Variants in SIL1 observed in about 807,000 individuals in gnomAD.
SIL1 encodes the protein SIL1 nucleotide exchange factor.
Under a neutral mutation model 49.1 loss-of-function variants are expected in SIL1, and 40 were observed. The observed-to-expected ratio is 0.81, with a 90% confidence interval of 0.63 to 1.06. The LOEUF is 1.06. SIL1 is among the 50% of genes least tolerant of loss of function. The pLI, the probability that SIL1 is intolerant of heterozygous loss-of-function variation, is 0.00. For missense variants in SIL1, 500 were observed against 572.6 expected, an observed-to-expected ratio of 0.87 and a Z score of 1.29; for synonymous variants, 253 against 250.8, an observed-to-expected ratio of 1.01 and a Z score of -0.08.
Position 139,021,200 on chromosome 5 carries a change from A to T in SIL1, c.738T>A (p.Ala246=), listed in dbSNP as rs1241584674. ...AAAAGGCAGCGCCCAGCACAAACGC[A>T]GCATACTCCTTCACGAGGGGCTCTG... ...NSTEPLVKEY[A]AFVLGAAFSS... Residue 246 remains alanine, a synonymous_variant, in exon 7 of 10, where the codon GCT becomes GCA. Coordinates refer to ENST00000394817, the MANE Select transcript of SIL1 (RefSeq NM_022464.5). 6.2e-7 allele frequency: 1 copy of T among 1,614,192 alleles called. No homozygotes were observed.
At chr5:139,068,276 C>T (rs975337882) in intron 3 of SIL1, among the ~76,000 whole-genome samples, 1 of 152,116 alleles carries the variant, frequency 6.6e-6, no homozygotes, top group Non-Finnish European at 1.5e-5. Flanking sequence ...AACAAGAAAA[C>T]ACCTAAGTAG....
intron 1 of SIL1, among the ~76,000 whole-genome samples, chr5:139,144,637 G>A (rs1202016102): frequency 1.3e-5 from 2 of 152,202 alleles, no homozygotes; most frequent in East Asian, 3.8e-4. Context: ...TTGGGAGGCT[G>A]AGGCAGGCAG....
chr5:138,980,826 T>G (rs1431312098), intron 7 of SIL1, among the ~76,000 whole-genome samples: 2 of 152,110 alleles, frequency 1.3e-5, no homozygotes, highest in Non-Finnish European at 2.9e-5. Context: ...GCAGAGTCCC[T>G]CTCCTGTGCT....
intron 7 of SIL1, among the ~76,000 whole-genome samples, chr5:138,971,611 G>A (rs1019991458): frequency 2.0e-5 from 3 of 152,146 alleles, no homozygotes; most frequent in African/African-American, 7.2e-5. Flanking sequence ...TTTGACGGGG[G>A]TCAAGAGCGG....
At chr5:139,098,222 C>A (rs1428512023) in intron 3 of SIL1, among the ~76,000 whole-genome samples, 1 of 152,184 alleles carries the variant, frequency 6.6e-6, no homozygotes, top group Non-Finnish European at 1.5e-5. Flanking sequence ...ACCCAAACAG[C>A]ATGGTACTGG....
intron 6 of SIL1, among the ~76,000 whole-genome samples, chr5:139,021,651 AATGGTGCC>A (rs1255073800): frequency 6.6e-6 from 1 of 152,126 alleles, no homozygotes; most frequent in Non-Finnish European, 1.5e-5. Context: ...AGCACCACTA[AATGGTGCC>A]ATGCTTCCTG....
intron 1 of SIL1, among the ~76,000 whole-genome samples, chr5:139,167,740 C>T (rs1751653182): frequency 6.6e-6 from 1 of 152,160 alleles, no homozygotes; most frequent in Non-Finnish European, 1.5e-5. Context: ...ACAGTAACAT[C>T]CTAGGCTTTC....
chr5:138,971,205 C>T (rs1443834015), intron 7 of SIL1, among the ~76,000 whole-genome samples: 1 of 152,136 alleles, frequency 6.6e-6, no homozygotes, highest in Non-Finnish European at 1.5e-5. Flanking sequence ...GCCTTCATAG[C>T]CCACCACATT....
intron 7 of SIL1, among the ~76,000 whole-genome samples, chr5:139,013,374 G>A (rs923390857): frequency 2.0e-5 from 3 of 152,098 alleles, no homozygotes; most frequent in Non-Finnish European, 4.4e-5. Flanking sequence ...CCTTTTTAGT[G>A]GAAGATTTTC....
Position 138,951,264 on chromosome 5 carries a change from C to T in SIL1, c.936G>A (p.Gly312=), listed in dbSNP as rs761308977. 1 of 1,586,880 alleles carries T rather than the reference C, an allele frequency of 6.3e-7. No individual in the cohort carries two copies. Among genetic ancestry groups the T allele is most frequent in the Non-Finnish European group, 8.6e-7 (1 of 1,165,966 alleles). Residue 312 remains glycine, a synonymous_variant, in exon 9 of 10, where the codon GGG becomes GGA. Coordinates refer to ENST00000394817, the MANE Select transcript of SIL1 (RefSeq NM_022464.5). ...YAQRQFLKLG[G]LQVLRTLVQE... ...GCACCAGGGTCCTCAGGACCTGCAG[C>T]CCCCCGAGCTTCAGGAACTGCCGCT...
intron 7 of SIL1, among the ~76,000 whole-genome samples, chr5:138,972,424 C>T (rs896522296): frequency 3.3e-5 from 5 of 152,234 alleles, no homozygotes; most frequent in African/African-American, 7.2e-5. Flanking sequence ...GATGTAAGAA[C>T]CTCAAGCTGG....
chr5:139,171,138 CCG>C (rs1430192233), intron 1 of SIL1, among the ~76,000 whole-genome samples: 2 of 152,034 alleles, frequency 1.3e-5, no homozygotes, highest in Admixed American at 6.5e-5. Context: ...CGCCTCTGCC[CCG>C]CCGCCCCTAC....
chr5:139,020,743 C>A (rs1181390309), intron 7 of SIL1, among the ~76,000 whole-genome samples: 2 of 152,200 alleles, frequency 1.3e-5, no homozygotes, highest in Non-Finnish European at 1.5e-5. Flanking sequence ...ACGGCATGTA[C>A]ATTGGTTCCA....
At chr5:139,023,017 C>T (rs1410281629) in intron 6 of SIL1, among the ~76,000 whole-genome samples, 2 of 152,186 alleles carry the variant, frequency 1.3e-5, no homozygotes, top group African/African-American at 2.4e-5. Flanking sequence ...AGCTGCCACT[C>T]GGTCAGCTCC....
chr5:139,124,469 C>T (rs969794860), intron 2 of SIL1, among the ~76,000 whole-genome samples: 2 of 152,152 alleles, frequency 1.3e-5, no homozygotes, highest in Non-Finnish European at 2.9e-5. Flanking sequence ...TTAAAGTACA[C>T]CTCAGTTTTT....
chr5:139,030,952 C>T (rs538498222), intron 5 of SIL1, among the ~76,000 whole-genome samples: 13 of 152,188 alleles, frequency 8.5e-5, no homozygotes, highest in African/African-American at 3.1e-4. Flanking sequence ...CATAATTTTT[C>T]CCTTGATTAT....
intron 3 of SIL1, among the ~76,000 whole-genome samples, chr5:139,058,586 T>C (rs980054490): frequency 1.3e-5 from 2 of 152,216 alleles, no homozygotes; most frequent in African/African-American, 4.8e-5. Context: ...TATGAACTCA[T>C]GGATATTTTA....
intron 3 of SIL1, among the ~76,000 whole-genome samples, chr5:139,086,474 C>A (rs1051268638): frequency 6.6e-6 from 1 of 151,680 alleles, no homozygotes; most frequent in African/African-American, 2.4e-5. Context: ...AAACAATTCT[C>A]CTGCCTCAGC....
At chr5:139,152,514 G>A (rs1483052701) in intron 1 of SIL1, among the ~76,000 whole-genome samples, 1 of 151,470 alleles carries the variant, frequency 6.6e-6, no homozygotes, top group African/African-American at 2.4e-5. Flanking sequence ...CCAGCTACTC[G>A]GCAGGCTGAG....
Sources: gnomAD v4.1 joint callset for allele counts (sites outside exome capture counted in the v4.1 genomes callset) on GRCh38, gnomAD v4.1.1 for gene constraint, MANE v1.5 for transcripts, NCBI Gene and HGNC (gene_info 2026-07-23, HGNC 2026-07-21) for gene names.